Variants in ATP8B4 observed in about 807,000 individuals in gnomAD.
The protein encoded by ATP8B4 is probable phospholipid-transporting ATPase IM.
Under a neutral mutation model 145.6 loss-of-function variants are expected in ATP8B4, and 133 were observed. The ratio of observed to expected loss-of-function variants is 0.91; its 90% CI spans 0.79 to 1.05. ATP8B4 has a LOEUF of 1.05. Ranked by LOEUF, ATP8B4 falls within the 50% of genes least tolerant of loss-of-function variation. The pLI, the probability that ATP8B4 is intolerant of heterozygous loss-of-function variation, is 0.00. For missense variants in ATP8B4, 1,458 were observed against 1,425.2 expected, an observed-to-expected ratio of 1.02 and a Z score of -0.37; for synonymous variants, 507 against 492.9, an observed-to-expected ratio of 1.03 and a Z score of -0.38.
At chr15:50,035,266 G>C (rs143846445) in intron 6 of ATP8B4, among the ~76,000 whole-genome samples, 48 of 152,302 alleles carry the variant, frequency 3.2e-4, no homozygotes, top group African/African-American at 9.6e-4. Flanking sequence ...AATGTTACGA[G>C]TAATGCTCCA....
At chr15:49,998,364 A>G (rs2047598194) in intron 8 of ATP8B4, among the ~76,000 whole-genome samples, 1 of 152,146 alleles carries the variant, frequency 6.6e-6, no homozygotes, top group African/African-American at 2.4e-5. Flanking sequence ...CAACAGTGTA[A>G]AAGTGTTCCT....
chr15:49,956,197 G>C (rs1174233518), intron 14 of ATP8B4, among the ~76,000 whole-genome samples: 1 of 152,082 alleles, frequency 6.6e-6, no homozygotes, highest in African/African-American at 2.4e-5. Context: ...TGGGAAATAA[G>C]TTTGACAGAT....
chr15:49,933,888 AAAAAAC>A (rs1278310337), intron 15 of ATP8B4, 123 bp downstream of exon 15: 18 of 1,040,926 alleles, frequency 1.7e-5, no homozygotes, highest in South Asian at 2.7e-5. Flanking sequence ...TTTCTGTGTT[AAAAAAC>A]AAAAACAAAA....
chr15:49,969,366 A>G (rs1478976897), intron 13 of ATP8B4, among the ~76,000 whole-genome samples: 2 of 151,580 alleles, frequency 1.3e-5, no homozygotes, highest in African/African-American at 2.4e-5. Flanking sequence ...AACAAAATAG[A>G]CAGACCACTA....
intron 2 of ATP8B4, among the ~76,000 whole-genome samples, chr15:50,087,891 G>A (rs777736591): frequency 2.6e-5 from 4 of 151,886 alleles, no homozygotes. Flanking sequence ...AAAATAAAAG[G>A]CCAAAAATAA....
chr15:49,983,632 A>C (rs552817968), intron 10 of ATP8B4, among the ~76,000 whole-genome samples: 2 of 152,176 alleles, frequency 1.3e-5, no homozygotes, highest in Non-Finnish European at 2.9e-5. Context: ...CAAACATTAC[A>C]AACAGTGTTG....
At chr15:49,902,166 G>A (rs917719235) in intron 20 of ATP8B4, 5 of 155,858 alleles carry the variant, frequency 3.2e-5, no homozygotes, top group Non-Finnish European at 7.1e-5. Flanking sequence ...CTTCAACCAC[G>A]ACCAGAGAAC....
intron 2 of ATP8B4, among the ~76,000 whole-genome samples, chr15:50,077,243 A>C (rs187047044): frequency 6.6e-6 from 1 of 152,262 alleles, no homozygotes; most frequent in South Asian, 2.1e-4. Flanking sequence ...AAAGTGGACT[A>C]AAAGAGCTAA....
At chr15:50,036,034 C>A (rs975026515) in intron 6 of ATP8B4, among the ~76,000 whole-genome samples, 3 of 152,184 alleles carry the variant, frequency 2.0e-5, no homozygotes, top group South Asian at 4.1e-4. Flanking sequence ...CCCACAGATG[C>A]CAAGGATAGG....
chr15:50,070,736 T>G (rs543722690), intron 3 of ATP8B4, among the ~76,000 whole-genome samples: 64 of 152,186 alleles, frequency 4.2e-4, no homozygotes, highest in African/African-American at 1.5e-3. Flanking sequence ...GTGTTGTGTT[T>G]TGTTTTGTTT....
At chr15:50,022,531 A>G (rs983046158) in intron 6 of ATP8B4, among the ~76,000 whole-genome samples, 5 of 152,258 alleles carry the variant, frequency 3.3e-5, no homozygotes, top group African/African-American at 1.2e-4. Context: ...TGCTCTTAAC[A>G]ATGCTGGGAC....
intron 3 of ATP8B4, among the ~76,000 whole-genome samples, chr15:50,050,692 A>G (rs977273124): frequency 6.6e-6 from 1 of 150,962 alleles, no homozygotes; most frequent in African/African-American, 2.5e-5. Context: ...AAACTACTAG[A>G]GACCTCTCTA....
chr15:49,960,893 G>A (rs1484980682), intron 14 of ATP8B4, among the ~76,000 whole-genome samples: 10 of 152,228 alleles, frequency 6.6e-5, no homozygotes, highest in Non-Finnish European at 1.3e-4. Context: ...AGCACTTTGG[G>A]AGGCTGAGGC....
chr15:50,047,846 C>G (rs2051841426), intron 3 of ATP8B4, among the ~76,000 whole-genome samples: 1 of 152,130 alleles, frequency 6.6e-6, no homozygotes, highest in East Asian at 1.9e-4. Context: ...CTTCCCAAAG[C>G]ATGACCCTTT....
At chr15:49,988,712 A>T (rs1489458777) in intron 9 of ATP8B4, among the ~76,000 whole-genome samples, 1 of 152,136 alleles carries the variant, frequency 6.6e-6, no homozygotes, top group Non-Finnish European at 1.5e-5. Flanking sequence ...CAGCCTAGAG[A>T]TCCTCTATAT....
At chr15:49,880,578 T>G (rs1461363824) in intron 23 of ATP8B4, 1 of 152,144 alleles carries the variant, frequency 6.6e-6, no homozygotes, top group African/African-American at 2.4e-5. Context: ...TATTTATATT[T>G]TAACAGGATT....
chr15:50,018,707 T>TC (rs2049295569), intron 6 of ATP8B4, among the ~76,000 whole-genome samples: 1 of 152,206 alleles, frequency 6.6e-6, no homozygotes, highest in Non-Finnish European at 1.5e-5. Context: ...CCAAGCTTTG[T>TC]CCCCATAAAT....
chr15:49,982,984 T>C (rs1004769470), intron 10 of ATP8B4, among the ~76,000 whole-genome samples: 1 of 152,136 alleles, frequency 6.6e-6, no homozygotes, highest in African/African-American at 2.4e-5. Flanking sequence ...CCTTCCTACC[T>C]CTTTGGTAGC....
intron 2 of ATP8B4, among the ~76,000 whole-genome samples, chr15:50,087,063 AATAAAAT>A (rs1394343807): frequency 8.6e-6 from 1 of 116,768 alleles, no homozygotes; most frequent in African/African-American, 3.6e-5. Context: ...TATTATATAT[AATAAAAT>A]AATATAGAGA....
Sources: gnomAD v4.1 joint callset for allele counts (sites outside exome capture counted in the v4.1 genomes callset) on GRCh38, gnomAD v4.1.1 for gene constraint, MANE v1.5 for transcripts, NCBI Gene and HGNC (gene_info 2026-07-23, HGNC 2026-07-21) for gene names.